CDH13: variants seen among roughly 807,000 people sequenced by gnomAD.
The protein encoded by CDH13 is cadherin-13.
In CDH13, 24 loss-of-function variants were observed where a neutral mutation model predicts 63.8. The ratio of observed to expected loss-of-function variants is 0.38; its 90% CI spans 0.27 to 0.53. The LOEUF (loss-of-function observed/expected upper bound fraction) is 0.53. Ranked by LOEUF, CDH13 falls within the 20% of genes least tolerant of loss-of-function variation. The pLI is 0.85. For missense variants in CDH13, 1,049 were observed against 903.1 expected, an observed-to-expected ratio of 1.16 and a Z score of -2.07; for synonymous variants, 503 against 355.3, an observed-to-expected ratio of 1.42 and a Z score of -4.67.
At chr16:83,535,693 C>G (rs1460297527) in intron 7 of CDH13, among the ~76,000 whole-genome samples, 1 of 152,128 alleles carries the variant, frequency 6.6e-6, no homozygotes, top group Non-Finnish European at 1.5e-5. Context: ...GCCTCAGTTT[C>G]CCCAAGATAT....
rs559495407 is a variant in CDH13, at chr16:82,728,059, T to C, written c.45+100922T>C. On this transcript the variant is annotated intron_variant, in intron 1 of 13. Transcript: ENST00000567109. ...TCTATTACTTATTATGTCTGCTTCC[T>C]CTGGAAAATGGCAGGGTAATATGAA... Among the ~76,000 whole-genome samples the C allele has an allele frequency of 2.6e-5, 4 of 152,314 alleles. No homozygotes were observed. The South Asian group carries it at 6.2e-4, about 24-fold the overall frequency.
intron 2 of CDH13, among the ~76,000 whole-genome samples, chr16:82,997,803 A>G (rs1416796535): frequency 6.6e-6 from 1 of 152,156 alleles, no homozygotes; most frequent in Non-Finnish European, 1.5e-5. Context: ...AATATTCAGT[A>G]TCATTTTCTG....
At chr16:83,183,491 A>C (rs1262515088) in intron 4 of CDH13, among the ~76,000 whole-genome samples, 5 of 152,262 alleles carry the variant, frequency 3.3e-5, no homozygotes, top group African/African-American at 1.2e-4. Context: ...GTACGCACCA[A>C]GTCCTTTAGA....
chr16:83,666,815 C>CCACACATACACACA (rs57685216), intron 8 of CDH13, among the ~76,000 whole-genome samples: 1 of 151,820 alleles, frequency 6.6e-6, no homozygotes, highest in Non-Finnish European at 1.5e-5. Context: ...ATACCCACCT[C>CCACACATACACACA]CACACATACA....
chr16:83,069,406 A>G (rs2032269380), intron 3 of CDH13, among the ~76,000 whole-genome samples: 1 of 152,196 alleles, frequency 6.6e-6, no homozygotes, highest in Non-Finnish European at 1.5e-5. Flanking sequence ...AGAATCACCT[A>G]TAGAAACACC....
chr16:83,191,912 A>G (rs1382721045), intron 4 of CDH13, among the ~76,000 whole-genome samples: 1 of 152,082 alleles, frequency 6.6e-6, no homozygotes, highest in East Asian at 1.9e-4. Flanking sequence ...CACACCCAGG[A>G]TCAATACTTT....
At chr16:83,330,646 A>G (rs367929525) in intron 5 of CDH13, among the ~76,000 whole-genome samples, 11 of 152,114 alleles carry the variant, frequency 7.2e-5, no homozygotes, top group African/African-American at 2.4e-4. Flanking sequence ...ACAGAGGCCA[A>G]CTCAGTACTG....
chr16:82,717,730 C>T (rs1187406744), intron 1 of CDH13, among the ~76,000 whole-genome samples: 2 of 152,170 alleles, frequency 1.3e-5, no homozygotes, highest in Non-Finnish European at 2.9e-5. Context: ...ATAATCTCTT[C>T]ATTTGGAAAT....
At position 83,560,899 on chromosome 16, in the gene CDH13, G is replaced by GCACCCC. The variant is rs1555573400; in HGVS notation, c.961-41554_961-41553insACCCCC. Among the ~76,000 whole-genome samples, 405 of 148,472 alleles carry GCACCCC rather than the reference G, an allele frequency of 2.7e-3. 2 individuals are homozygous for GCACCCC. The highest frequency in any genetic ancestry group is 6.4e-3 in the African/African-American group (255 of 40,130). ...CAAGGACAAGTGTACCATAAGGTTG[G>GCACCCC]CCCCCCCCCCGCCCCAGGGGCTGAG... On this transcript the variant is annotated intron_variant, in intron 7 of 13. Coordinates refer to ENST00000567109, the MANE Select transcript of CDH13 (RefSeq NM_001257.5).
intron 6 of CDH13, among the ~76,000 whole-genome samples, chr16:83,460,407 C>T (rs181242638): frequency 2.6e-5 from 4 of 152,200 alleles, no homozygotes; most frequent in African/African-American, 9.7e-5. Flanking sequence ...ATTTATGCCC[C>T]TGGGCACAGA....
At chr16:82,876,838 C>G (rs146117510) in intron 2 of CDH13, among the ~76,000 whole-genome samples, 1 of 152,148 alleles carries the variant, frequency 6.6e-6, no homozygotes, top group East Asian at 1.9e-4. Flanking sequence ...CATACAGTTA[C>G]TGAGTTTGGA....
intron 1 of CDH13, among the ~76,000 whole-genome samples, chr16:82,682,271 A>T (rs1394481837): frequency 6.6e-6 from 1 of 152,172 alleles, no homozygotes; most frequent in Non-Finnish European, 1.5e-5. Flanking sequence ...ACCCATCAAC[A>T]TGCTGATTCC....
chr16:82,712,914 C>G (rs144343636), intron 1 of CDH13, among the ~76,000 whole-genome samples: 44 of 152,236 alleles, frequency 2.9e-4, no homozygotes, highest in African/African-American at 9.9e-4. Flanking sequence ...TCAGTGATTA[C>G]TTGTCCTATC....
intron 4 of CDH13, among the ~76,000 whole-genome samples, chr16:83,185,146 C>G (rs983599341): frequency 2.0e-5 from 3 of 152,080 alleles, no homozygotes; most frequent in African/African-American, 4.8e-5. Flanking sequence ...TACAGCTGGT[C>G]GTGGCAGCAC....
intron 9 of CDH13, among the ~76,000 whole-genome samples, chr16:83,677,959 G>C (rs1915099316): frequency 6.6e-6 from 1 of 152,008 alleles, no homozygotes; most frequent in African/African-American, 2.4e-5. Context: ...CAAGTCATGT[G>C]TTGTCATTCA....
At chr16:83,128,763 GT>G (rs529162082) in intron 4 of CDH13, among the ~76,000 whole-genome samples, 286 of 152,242 alleles carry the variant, frequency 1.9e-3, no homozygotes, top group Non-Finnish European at 3.1e-3. Context: ...CTTCTGCATT[GT>G]TTTTTTACTT....
intron 1 of CDH13, among the ~76,000 whole-genome samples, chr16:82,793,563 G>A (rs550275883): frequency 6.6e-5 from 10 of 152,264 alleles, no homozygotes; most frequent in African/African-American, 1.2e-4. Context: ...TCAGTCTGCC[G>A]TGTGCTTGGT....
intron 10 of CDH13, among the ~76,000 whole-genome samples, chr16:83,682,546 G>T (rs1259939244): frequency 6.6e-6 from 1 of 152,168 alleles, no homozygotes; most frequent in Admixed American, 6.5e-5. Flanking sequence ...TGAGCTCACT[G>T]ACTGTGCGCA....
At chr16:82,814,536 C>T (rs768144544) in intron 1 of CDH13, among the ~76,000 whole-genome samples, 7 of 152,146 alleles carry the variant, frequency 4.6e-5, no homozygotes, top group Non-Finnish European at 7.4e-5. Flanking sequence ...GGTTGCTGAA[C>T]CCATGGAGGT....
Sources: gnomAD v4.1 joint callset for allele counts (sites outside exome capture counted in the v4.1 genomes callset) on GRCh38, gnomAD v4.1.1 for gene constraint, MANE v1.5 for transcripts, NCBI Gene and HGNC (gene_info 2026-07-23, HGNC 2026-07-21) for gene names.